Variants in DACT2 observed in about 807,000 individuals in gnomAD.
DACT2 encodes the protein dapper homolog 2.
A neutral mutation model predicts 22.2 loss-of-function variants in DACT2; 20 were observed. That is an observed-to-expected ratio of 0.90 (90% CI 0.63 to 1.31). DACT2 has a LOEUF of 1.31. DACT2 is among the 50% of genes most tolerant of loss of function. DACT2 has a pLI of 0.00. For missense variants in DACT2, 1,048 were observed against 1,061.4 expected, an observed-to-expected ratio of 0.99 and a Z score of 0.18; for synonymous variants, 463 against 479.8, an observed-to-expected ratio of 0.96 and a Z score of 0.46.
At chr6:168,311,542 ACACACACATACACACACT>A (rs1779402053) in intron 1 of DACT2, among the ~76,000 whole-genome samples, 1 of 62,428 alleles carries the variant, frequency 1.6e-5, no homozygotes, top group South Asian at 6.7e-4. Flanking sequence ...ACACCCATCC[ACACACACATACACACACT>A]CACACACAAA....
chr6:168,294,181 C>T (rs943133250), exon 5 of DACT2: 1 of 702,864 alleles, frequency 1.4e-6, no homozygotes, highest in Non-Finnish European at 2.6e-6. Context: ...ACTTTCCTCT[C>T]AAACCAGAAC....
chr6:168,311,663 C>T (rs1170693975), intron 1 of DACT2, among the ~76,000 whole-genome samples: 1 of 151,704 alleles, frequency 6.6e-6, no homozygotes, highest in Non-Finnish European at 1.5e-5. Context: ...CACACCCATA[C>T]ACACATATAC....
downstream of DACT2, among the ~76,000 whole-genome samples, chr6:168,305,262 G>A (rs539126890): frequency 2.4e-4 from 37 of 152,268 alleles, no homozygotes; most frequent in Non-Finnish European, 2.5e-4. Flanking sequence ...AGGACTGTGC[G>A]GAGCAGGAAG....
intron 1 of DACT2, among the ~76,000 whole-genome samples, chr6:168,318,370 TC>T (rs963913441): frequency 6.6e-6 from 1 of 152,242 alleles, no homozygotes; most frequent in Non-Finnish European, 1.5e-5. Flanking sequence ...ACACTGGACT[TC>T]CTGATTCTTT....
chr6:168,304,440 T>C (rs934141962), downstream of DACT2, among the ~76,000 whole-genome samples: 9 of 152,342 alleles, frequency 5.9e-5, no homozygotes, highest in African/African-American at 2.2e-4. Context: ...GTCAGCCCTC[T>C]CAAAAACGGG....
At chr6:168,303,528 T>A (rs1779147320), downstream of DACT2, among the ~76,000 whole-genome samples, 1 of 152,160 alleles carries the variant, frequency 6.6e-6, no homozygotes, top group African/African-American at 2.4e-5. Context: ...ACACGCCCGG[T>A]CCCCTTCTGC....
At chr6:168,311,559 C>CAA (rs61336797) in intron 1 of DACT2, among the ~76,000 whole-genome samples, 4 of 83,026 alleles carry the variant, frequency 4.8e-5, no homozygotes, top group African/African-American at 8.6e-5. Flanking sequence ...CATACACACA[C>CAA]TCACACACAA....
exon 6 of DACT2, chr6:168,293,875 A>T (rs1218376115): frequency 2.8e-6 from 2 of 703,306 alleles, no homozygotes; most frequent in African/African-American, 3.5e-5. Flanking sequence ...TGCAGCCCCC[A>T]GCTTGGTGTA....
Position 168,319,716 on chromosome 6 carries a change from GTCCTCCTGCGCC to G in DACT2, c.-95_-84del. The G allele has an allele frequency of 8.4e-7, 1 of 1,184,862 alleles. No homozygotes were observed. Among genetic ancestry groups the G allele is most frequent in the Non-Finnish European group, 1.0e-6 (1 of 957,292 alleles). The allele number at this position is 1,184,862 out of a possible 1,614,324, so 73.4% of individuals were successfully genotyped here. On this transcript the variant is annotated 5_prime_UTR_variant, in exon 1 of 4. Coordinates refer to ENST00000366795, the MANE Select transcript of DACT2 (RefSeq NM_214462.5). ...GCGCGGATCCCGAGCTGTGTCGCGGGTCCTCCTGCGCCTCCTCTCTCCGCCCCCGGCTCCGCA... is the reference window on the plus strand; with the variant it reads ...GCGCGGATCCCGAGCTGTGTCGCGGGTCCTCTCTCCGCCCCCGGCTCCGCA...
Position 168,306,911 on chromosome 6 carries a change from AG to A in DACT2, c.*520del. ...GAATCAGGGAGGAAGAGGTTAAAAG[AG>A]GGAAAAAAAATGTTCCTTTTATTTG... On this transcript the variant is annotated 3_prime_UTR_variant, in exon 4 of 4. Coordinates refer to ENST00000366795, the MANE Select transcript of DACT2 (RefSeq NM_214462.5). 1.0e-6 allele frequency: 1 copy of A among 990,478 alleles called. No homozygotes were observed. Among genetic ancestry groups the A allele is most frequent in the East Asian group, 1.1e-4 (1 of 8,850 alleles). The allele number at this position is 990,478 out of a possible 1,614,324, so 61.4% of individuals were successfully genotyped here. A position where few individuals can be genotyped will look rare whatever the true frequency, so the allele number is the denominator to read the frequency against.
chr6:168,308,173 G>C lies in DACT2; in HGVS notation c.1584C>G (p.Pro528=), dbSNP rs1779276805. 6.4e-7 allele frequency: 1 copy of C among 1,550,952 alleles called. No individual in the cohort carries two copies. The highest frequency in any genetic ancestry group is 1.4e-5 in the African/African-American group (1 of 72,984). ...LDRPEGAHAA[P]QPSLEWDPAH... ...CAGGGTCCCACTCCAGGGATGGCTG[G>C]GGGGCTGCATGGGCTCCCTCAGGCC... The change falls in exon 4 of 4, where the codon CCC becomes CCG. Residue 528 remains proline, a synonymous_variant. Coordinates refer to ENST00000366795, the MANE Select transcript of DACT2 (RefSeq NM_214462.5).
chr6:168,309,214 A>G (rs770485533), intron 3 of DACT2, 116 bp from the exon 4 acceptor site: 873 of 1,416,040 alleles, frequency 6.2e-4, no homozygotes, highest in Non-Finnish European at 7.6e-4. Context: ...TGCTTCGAGG[A>G]ACTCCTGGGT....
intron 1 of DACT2, among the ~76,000 whole-genome samples, chr6:168,311,605 C>CACAT (rs1779417379): frequency 6.8e-6 from 1 of 147,046 alleles, no homozygotes; most frequent in Non-Finnish European, 1.5e-5. Context: ...CATACACACA[C>CACAT]ACTCACACAA....
chr6:168,310,103 G>C, intron 3 of DACT2, 65 bp downstream of exon 3: 1 of 1,527,358 alleles, frequency 6.5e-7, no homozygotes, highest in Non-Finnish European at 8.8e-7. Context: ...TCAGCAGCTG[G>C]GGACTGCACT....
rs186866853 is a variant in DACT2, at chr6:168,294,602, T to C, written c.730+31A>G. On this transcript the variant is annotated intron_variant, in intron 4 of 5. Coordinates refer to the DACT2 transcript ENST00000366796. ...GTATATATATATATATATATATATA[T>C]ACACATATAAAGAAGAACATCCTTC... The C allele has an allele frequency of 3.0e-3, 2,429 of 812,546 alleles. 72 individuals are homozygous for C. In the South Asian group the frequency reaches 0.031, roughly 10 times the overall value. The allele number at this position is 812,546 out of a possible 1,614,324, so 50.3% of individuals were successfully genotyped here.
At chr6:168,302,287 C>A (rs1162041663), downstream of DACT2, among the ~76,000 whole-genome samples, 1 of 152,170 alleles carries the variant, frequency 6.6e-6, no homozygotes, top group Non-Finnish European at 1.5e-5. Context: ...AAACTCTGCT[C>A]CAGCTGGGCC....
At chr6:168,293,626 A>G (rs1483335047) in exon 6 of DACT2, 1 of 460,336 alleles carries the variant, frequency 2.2e-6, no homozygotes, top group Non-Finnish European at 3.9e-6. Flanking sequence ...TGGAATTTCC[A>G]GTCTATTTGT....
In DACT2 at chr6:168,307,861, G is replaced by GT; in HGVS notation, c.1895_1896insA (p.Arg633GlnfsTer39). The GT allele has an allele frequency of 6.5e-7, 1 of 1,538,946 alleles. No individual in the cohort carries two copies. The highest frequency in any genetic ancestry group is 8.7e-7 in the Non-Finnish European group (1 of 1,145,936). On this transcript the variant is annotated frameshift_variant, in exon 4 of 4. Coordinates refer to ENST00000366795, the MANE Select transcript of DACT2 (RefSeq NM_214462.5). LOFTEE classifies it low-confidence loss of function (END_TRUNC). This position sits in a 1 kb window ranked among gnomAD's most constrained non-coding sequence, Gnocchi z 5.3. The stretch of plus-strand genomic sequence containing the variant: ...CACCTGCTCTCCTGGCCACGGGCCT[G>GT]GGGGGCCCCAGGTTAGACTCAGGAC...
chr6:168,293,528 C>G, exon 6 of DACT2: 1 of 207,016 alleles, frequency 4.8e-6, no homozygotes, highest in Non-Finnish European at 9.7e-6. Context: ...CTGTCAACTA[C>G]TTTTGCTTCC....
Sources: allele counts gnomAD v4.1 joint callset (sites outside exome capture counted in the v4.1 genomes callset), GRCh38; gene constraint gnomAD v4.1.1; non-coding constraint Gnocchi (gnomAD v3.1); transcripts MANE v1.5; gene names NCBI Gene and HGNC (gene_info 2026-07-23, HGNC 2026-07-21).